FIRRM: variants seen among roughly 807,000 people sequenced by gnomAD.
FIRRM encodes the protein FIGNL1 interacting regulator of recombination and mitosis.
At chr1:169,796,374 C>T in the FIRRM span, among the ~76,000 whole-genome samples, 1 of 152,240 alleles carries the variant, frequency 6.6e-6, no homozygotes, top group African/African-American at 2.4e-5. Context: ...AGAGAGACTT[C>T]ATTAAGTTGA....
the FIRRM span, chr1:169,792,852 T>G: frequency 6.2e-7 from 1 of 1,614,030 alleles, no homozygotes; most frequent in Non-Finnish European, 8.5e-7. Context: ...ACAAAAAGTT[T>G]TTCACTACTT....
At chr1:169,805,996 C>T in the FIRRM span, 13 of 1,569,638 alleles carry the variant, frequency 8.3e-6, no homozygotes, top group African/African-American at 1.8e-4. Flanking sequence ...TGTTATCTTT[C>T]TTTGCAGTTA....
chr1:169,831,451 T>G, the FIRRM span, among the ~76,000 whole-genome samples: 1 of 152,218 alleles, frequency 6.6e-6, no homozygotes, highest in African/African-American at 2.4e-5. Flanking sequence ...ATTTTGTAGA[T>G]CAGATCCAGT....
chr1:169,838,929 A>G, the FIRRM span, among the ~76,000 whole-genome samples: 16 of 150,012 alleles, frequency 1.1e-4, no homozygotes, highest in East Asian at 1.9e-3. Flanking sequence ...AACCCTTACC[A>G]TCTCTCCTCC....
chr1:169,848,686 T>C, the FIRRM span, among the ~76,000 whole-genome samples: 3 of 152,216 alleles, frequency 2.0e-5, no homozygotes, highest in African/African-American at 7.2e-5. Context: ...CCAAAGACAC[T>C]TGGCATCTGA....
At chr1:169,838,889 G>A in the FIRRM span, among the ~76,000 whole-genome samples, 1 of 152,078 alleles carries the variant, frequency 6.6e-6, no homozygotes, top group South Asian at 2.1e-4. Context: ...TCATCACCCA[G>A]GTACTCAGCA....
At chr1:169,812,257 C>T in the FIRRM span, among the ~76,000 whole-genome samples, 3 of 152,186 alleles carry the variant, frequency 2.0e-5, no homozygotes, top group African/African-American at 7.2e-5. Flanking sequence ...TGTGTCACCA[C>T]TCATTCAGTC....
chr1:169,802,772 A>G, the FIRRM span: 2 of 1,201,254 alleles, frequency 1.7e-6, no homozygotes, highest in East Asian at 2.3e-5. Flanking sequence ...AGCTTAAAGA[A>G]TGTCAAAATT....
chr1:169,849,901 G>T, the FIRRM span: 1 of 466,490 alleles, frequency 2.1e-6, no homozygotes, highest in South Asian at 2.7e-5. Context: ...TGGGTCAAAT[G>T]ATAATACATT....
At chr1:169,791,978 G>A in the FIRRM span, among the ~76,000 whole-genome samples, 3 of 151,988 alleles carry the variant, frequency 2.0e-5, no homozygotes, top group African/African-American at 4.8e-5. Context: ...TACCAAGACC[G>A]CAGGATCTTT....
At chr1:169,829,248 T>G in the FIRRM span, 6 of 1,523,934 alleles carry the variant, frequency 3.9e-6, no homozygotes, top group African/African-American at 8.4e-5. Flanking sequence ...TTCAATGTTC[T>G]CAATTTCCCT....
chr1:169,820,140 G>A, the FIRRM span, among the ~76,000 whole-genome samples: 2 of 152,220 alleles, frequency 1.3e-5, no homozygotes, highest in East Asian at 3.8e-4. Flanking sequence ...TGGTCTCTGG[G>A]CAAGATGAAA....
At chr1:169,820,294 C>G in the FIRRM span, among the ~76,000 whole-genome samples, 3 of 152,176 alleles carry the variant, frequency 2.0e-5, no homozygotes, top group African/African-American at 7.2e-5. Flanking sequence ...GACACTGAAT[C>G]AAGTTCAGGC....
At chr1:169,792,498 A>C in the FIRRM span, 5 of 1,291,712 alleles carry the variant, frequency 3.9e-6, no homozygotes, top group South Asian at 1.7e-5. Flanking sequence ...TTCAGAAAAA[A>C]TAATAGCAAA....
At chr1:169,806,133 T>C in the FIRRM span, 1 of 1,097,806 alleles carries the variant, frequency 9.1e-7, no homozygotes, top group South Asian at 1.4e-5. Context: ...ATGTTTTCCA[T>C]ATTCCCCAAT....
the FIRRM span, chr1:169,842,425 ACT>A: frequency 6.2e-7 from 1 of 1,613,836 alleles, no homozygotes; most frequent in Non-Finnish European, 8.5e-7. Context: ...AGAACACAGT[ACT>A]GTCTGCTTTG....
At chr1:169,805,983 TTC>T in the FIRRM span, 1 of 1,490,094 alleles carries the variant, frequency 6.7e-7, no homozygotes, top group Non-Finnish European at 9.3e-7. Context: ...GTCTTAAAAG[TTC>T]TGTTATCTTT....
chr1:169,801,900 T>C, the FIRRM span, among the ~76,000 whole-genome samples: 3 of 152,204 alleles, frequency 2.0e-5, no homozygotes, highest in Non-Finnish European at 4.4e-5. Context: ...CTGAAATATT[T>C]CTTAGAATTT....
chr1:169,833,374 G>C, the FIRRM span, among the ~76,000 whole-genome samples: 1 of 152,062 alleles, frequency 6.6e-6, no homozygotes, highest in Non-Finnish European at 1.5e-5. Flanking sequence ...TCTAAGCTTG[G>C]GAACCACTAG....
Sources: gnomAD v4.1 joint callset for allele counts (sites outside exome capture counted in the v4.1 genomes callset) on GRCh38, gnomAD v4.1.1 for gene constraint, MANE v1.5 for transcripts, NCBI Gene and HGNC (gene_info 2026-07-23, HGNC 2026-07-21) for gene names.